METTL2B: variants seen among roughly 807,000 people sequenced by gnomAD.
METTL2B encodes methyltransferase 2B, tRNA N3-cytidine, also known as tRNA N(3)-cytidine methyltransferase METTL2B.
METTL2B carries 28 observed loss-of-function variants against 51.0 expected under a neutral mutation model. The observed-to-expected ratio is 0.55, with a 90% CI of 0.41 to 0.75. The LOEUF (loss-of-function observed/expected upper bound fraction) is 0.75. METTL2B is among the 30% of genes least tolerant of loss of function. The pLI, the probability that METTL2B is intolerant of heterozygous loss-of-function variation, is 0.00. For synonymous variants in METTL2B, 128 were observed against 166.3 expected (o/e 0.77, Z 1.77); for missense variants, 313 against 460.7 (o/e 0.68, Z 2.93).
At chr7:128,486,417 T>C (rs1046130944) in intron 4 of METTL2B, among the ~76,000 whole-genome samples, 2 of 151,964 alleles carry the variant, frequency 1.3e-5, no homozygotes, top group African/African-American at 4.8e-5. Flanking sequence ...CTAGTCAACA[T>C]GGTGAAACCC....
intron 5 of METTL2B, chr7:128,488,717 A>G (rs1466304877): frequency 3.3e-6 from 1 of 307,126 alleles, no homozygotes; most frequent in Non-Finnish European, 6.5e-6. Flanking sequence ...AAGTGAAAGG[A>G]AGAGTTTCAC....
At chr7:128,484,232 T>TTTTTTGTTG (rs71160654) in intron 4 of METTL2B, 1 of 83,558 alleles carries the variant, frequency 1.2e-5, no homozygotes, top group African/African-American at 5.0e-5. Context: ...TTTTTTTTTT[T>TTTTTTGTTG]TTTTTTTTTT....
chr7:128,501,896 C>T lies in METTL2B; in HGVS notation c.1117C>T (p.Leu373Phe). Residue 373 changes from leucine to phenylalanine, a missense_variant, in exon 9 of 9, where the codon CTT (leucine) becomes TTT (phenylalanine). This residue lies in a region of METTL2B where 138 missense variants were observed against 187.6 expected (regional missense o/e 0.74). Transcript: ENST00000262432. The stretch of plus-strand genomic sequence containing the variant: ...GATTCAGTGCAAATACTGCAAGCCC[C>T]TTCTGTCCAGCACCAGCTAAGAGGC... ...VWIQCKYCKPLLSSTS is the reference protein window; with the variant it reads ...VWIQCKYCKPFLSSTS The T allele has an allele frequency of 3.1e-6, 5 of 1,614,188 alleles. No homozygotes were observed. In the South Asian group the frequency reaches 4.4e-5, roughly 14 times the overall value.
intron 4 of METTL2B, among the ~76,000 whole-genome samples, chr7:128,487,478 G>C (rs942715223): frequency 1.2e-4 from 19 of 152,210 alleles, no homozygotes; most frequent in Non-Finnish European, 1.8e-4. Flanking sequence ...ATAATTGGAA[G>C]CAATTTTGAT....
chr7:128,491,900 T>C (rs1294674694), intron 5 of METTL2B, among the ~76,000 whole-genome samples: 1 of 152,146 alleles, frequency 6.6e-6, no homozygotes, highest in Admixed American at 6.6e-5. Context: ...TTTACTTCAG[T>C]TTTTGATAAC....
rs1290787247 is a variant in METTL2B at position 128,494,937 on chromosome 7, C to T, written c.809+994C>T. On this transcript the variant is annotated intron_variant, in intron 6 of 8. Coordinates refer to ENST00000262432, the MANE Select transcript of METTL2B (RefSeq NM_018396.3). ...ACCACGCTGGCCTTTTTTTTGAAGACGGAGTCTTGCTCTGTTGCCCCGGCT... is the reference window on the plus strand; with the variant it reads ...ACCACGCTGGCCTTTTTTTTGAAGATGGAGTCTTGCTCTGTTGCCCCGGCT... Among the ~76,000 whole-genome samples, 5 of 148,904 alleles carry T rather than the reference C, an allele frequency of 3.4e-5. No homozygotes were observed. In the South Asian group the frequency reaches 8.6e-4, roughly 25 times the overall value.
intron 6 of METTL2B, among the ~76,000 whole-genome samples, chr7:128,497,782 C>T (rs1201351093): frequency 2.0e-5 from 3 of 152,136 alleles, no homozygotes; most frequent in Admixed American, 6.6e-5. Context: ...CGCACCTGGC[C>T]GGGAGCAGAG....
chr7:128,480,600 A>T, intron 3 of METTL2B, 47 bp from the exon 4 acceptor site: 1 of 1,611,688 alleles, frequency 6.2e-7, no homozygotes, highest in Non-Finnish European at 8.5e-7. Context: ...GCTTTCGGGA[A>T]TTAACTCTGG....
chr7:128,484,228 T>TTTTTTTTTTTTTG, intron 4 of METTL2B: 1 of 93,754 alleles, frequency 1.1e-5, no homozygotes, highest in Non-Finnish European at 2.2e-5. Context: ...TTTTTTTTTT[T>TTTTTTTTTTTTTG]TTTTTTTTTT....
chr7:128,498,427 G>C (rs1258573482), intron 7 of METTL2B, among the ~76,000 whole-genome samples: 1 of 151,572 alleles, frequency 6.6e-6, no homozygotes, highest in Non-Finnish European at 1.5e-5. Flanking sequence ...AACCTCCATG[G>C]CACGTGTATA....
intron 4 of METTL2B, among the ~76,000 whole-genome samples, chr7:128,486,014 C>G (rs1792699786): frequency 6.6e-6 from 1 of 152,106 alleles, no homozygotes; most frequent in Non-Finnish European, 1.5e-5. Context: ...AAAGCACAGG[C>G]CGGGCGTGGT....
intron 2 of METTL2B, 35 bp from the exon 3 acceptor site, chr7:128,479,123 G>A: frequency 6.4e-7 from 1 of 1,554,500 alleles, no homozygotes; most frequent in Non-Finnish European, 8.7e-7. Context: ...ATATTTGAGA[G>A]CTGGTTCTTA....
At chr7:128,497,902 G>A in intron 6 of METTL2B, 134 bp from the exon 7 acceptor site, 1 of 812,384 alleles carries the variant, frequency 1.2e-6, no homozygotes, top group Admixed American at 2.8e-5. Flanking sequence ...TCTAACTGAA[G>A]AGTAGAGGAG....
rs1242230439 is a variant in METTL2B, at chr7:128,506,490, C to T, written c.*4574C>T. ...TGACTCTGTAAGGGACTTTGCATAA[C>T]GTTTCATCCTCAGAATCGCTAATGA... On this transcript the variant is annotated 3_prime_UTR_variant, in exon 9 of 9. Coordinates refer to ENST00000262432, the MANE Select transcript of METTL2B (RefSeq NM_018396.3). 4 of 152,242 alleles carry T rather than the reference C, an allele frequency of 2.6e-5. No homozygotes were observed. In the East Asian group the frequency reaches 5.8e-4, roughly 22 times the overall value. The allele number at this position is 152,242 out of a possible 1,614,324, so 9.4% of individuals were successfully genotyped here.
At chr7:128,485,774 ACCACTGTACT>A (rs1429859034) in intron 4 of METTL2B, among the ~76,000 whole-genome samples, 2 of 152,196 alleles carry the variant, frequency 1.3e-5, no homozygotes, top group East Asian at 3.8e-4. Context: ...CCATGATCAC[ACCACTGTACT>A]CCAGGTGACA....
chr7:128,496,104 A>G (rs546350149), intron 6 of METTL2B, among the ~76,000 whole-genome samples: 1 of 152,252 alleles, frequency 6.6e-6, no homozygotes, highest in East Asian at 1.9e-4. Flanking sequence ...GCTGCACAGG[A>G]TAGGAGCTTT....
intron 7 of METTL2B, among the ~76,000 whole-genome samples, chr7:128,498,348 G>C (rs967182736): frequency 6.6e-6 from 1 of 150,388 alleles, no homozygotes; most frequent in South Asian, 2.2e-4. Context: ...GTCTGGAGGT[G>C]GGGGGGCTGG....
At chr7:128,481,495 G>A (rs1412510043) in intron 4 of METTL2B, among the ~76,000 whole-genome samples, 3 of 152,214 alleles carry the variant, frequency 2.0e-5, no homozygotes, top group Non-Finnish European at 4.4e-5. Context: ...TTATGTGTTT[G>A]TTATGAAGGA....
Position 128,506,526 on chromosome 7 carries a change from AC to A in METTL2B, c.*4611del, listed in dbSNP as rs1324951242. ...CAGAATCGCTAATGATGGGCAGAGG[AC>A]TGTTACATGTGTTGGGAGGGATTAA... On this transcript the variant is annotated 3_prime_UTR_variant, in exon 9 of 9. Coordinates refer to ENST00000262432, the MANE Select transcript of METTL2B (RefSeq NM_018396.3). The A allele has an allele frequency of 1.3e-5, 2 of 152,162 alleles. No homozygotes were observed. The highest frequency in any genetic ancestry group is 2.9e-5 in the Non-Finnish European group (2 of 68,036). The allele number at this position is 152,162 out of a possible 1,614,324, so 9.4% of individuals were successfully genotyped here.
Sources: gnomAD v4.1 joint callset for allele counts (sites outside exome capture counted in the v4.1 genomes callset) on GRCh38, gnomAD v4.1.1 for gene constraint, gnomAD v4.1.1 regional missense constraint, MANE v1.5 for transcripts, NCBI Gene and HGNC (gene_info 2026-07-23, HGNC 2026-07-21) for gene names.